Variants in FBXO27 observed in about 807,000 individuals in gnomAD.
FBXO27 encodes the protein F-box only protein 27.
In FBXO27, 28 loss-of-function variants were observed where a neutral mutation model predicts 28.3. The ratio of observed to expected loss-of-function variants is 0.99; its 90% CI spans 0.73 to 1.36. FBXO27 has a LOEUF of 1.36. Ranked by LOEUF, FBXO27 falls within the 40% of genes most tolerant of loss-of-function variation. FBXO27 has a pLI of 0.00. For synonymous variants in FBXO27, 175 were observed against 167.3 expected (o/e 1.05, Z -0.36); for missense variants, 388 against 394.1 (o/e 0.98, Z 0.13).
chr19:39,006,838 G>A (rs1975737474), intron 2 of FBXO27, among the ~76,000 whole-genome samples: 1 of 151,786 alleles, frequency 6.6e-6, no homozygotes, highest in African/African-American at 2.4e-5. Flanking sequence ...CAGTACTTTG[G>A]GAGGGTAAGG....
chr19:39,006,353 T>A (rs990103155), intron 2 of FBXO27, among the ~76,000 whole-genome samples: 2 of 151,718 alleles, frequency 1.3e-5, no homozygotes, highest in African/African-American at 2.4e-5. Flanking sequence ...AGGTTGGGAG[T>A]TCGAGACCAG....
rs544202207 is a variant in FBXO27, at chr19:39,031,033, CAG to C, written c.566_567del (p.Ser189Ter). ...LDSGRIEICV[S>X]DWWGARHDSG... ...TATTTTAATCGTCACACTCACCAGT[CAG>C]AGACACAAATCTCAATCCTGCCACT... On this transcript the variant is annotated frameshift_variant, in exon 4 of 6. Coordinates refer to ENST00000292853, the MANE Select transcript of FBXO27 (RefSeq NM_178820.5). LOFTEE classifies it high-confidence loss of function. 1,159 of 1,613,810 alleles carry C rather than the reference CAG, an allele frequency of 7.2e-4. 6 individuals carry two copies. In the African/African-American group the frequency reaches 0.013, roughly 18 times the overall value.
chr19:39,032,032 G>A lies in FBXO27; in HGVS notation c.196C>T (p.Leu66=). 2 of 1,529,798 alleles carry A rather than the reference G, an allele frequency of 1.3e-6. No individual in the cohort carries two copies. The highest frequency in any genetic ancestry group is 1.7e-6 in the Non-Finnish European group (2 of 1,144,306). 94.8% of individuals were successfully genotyped at this position (1,529,798 alleles called of 1,614,324 possible). A position where few individuals can be genotyped will look rare whatever the true frequency, so the allele number is the denominator to read the frequency against. ...TCGCGGGCCAGGATCAGCAGCCACA[G>A]GGCCTGGCCGTCCACCAGGGCTCGC... ...GWRALVDGQA[L]WLLILARDHG... Residue 66 remains leucine, a synonymous_variant, in exon 2 of 6, where the codon CTG becomes TTG. Coordinates refer to ENST00000292853, the MANE Select transcript of FBXO27 (RefSeq NM_178820.5). This position sits in a 1 kb window ranked among gnomAD's most constrained non-coding sequence, Gnocchi z 4.7.
chr19:39,029,043 A>G (rs2072888142), intron 4 of FBXO27, among the ~76,000 whole-genome samples: 1 of 97,294 alleles, frequency 1.0e-5, no homozygotes, highest in Admixed American at 9.6e-5. Context: ...CTCTGTCTCT[A>G]AAAAAAAAAA....
At chr19:39,006,383 C>A (rs540900865) in intron 2 of FBXO27, among the ~76,000 whole-genome samples, 23 of 152,074 alleles carry the variant, frequency 1.5e-4, no homozygotes, top group African/African-American at 4.6e-4. Context: ...CATGGAGAAA[C>A]CCCGTCTCTA....
At chr19:39,013,872 G>T (rs1208839173) in intron 2 of FBXO27, among the ~76,000 whole-genome samples, 1 of 151,860 alleles carries the variant, frequency 6.6e-6, no homozygotes, top group Non-Finnish European at 1.5e-5. Flanking sequence ...AATTAGCCGG[G>T]TGTGGTGGTG....
intron 1 of FBXO27, among the ~76,000 whole-genome samples, chr19:39,018,496 C>T (rs12985447): frequency 0.48 from 72,907 of 151,826 alleles, 17,688 homozygotes; most frequent in Middle Eastern, 0.58. Flanking sequence ...AGTGCAATAT[C>T]GTAAACCCTG....
downstream of FBXO27, among the ~76,000 whole-genome samples, chr19:39,021,434 G>A (rs2072844718): frequency 6.6e-6 from 1 of 152,116 alleles, no homozygotes; most frequent in African/African-American, 2.4e-5. Context: ...TAACGAGGAT[G>A]AAGACTTTTA....
intron 1 of FBXO27, among the ~76,000 whole-genome samples, chr19:39,017,759 C>T (rs1247325338): frequency 2.6e-5 from 4 of 151,468 alleles, no homozygotes; most frequent in Non-Finnish European, 4.4e-5. Context: ...CAAACCTACT[C>T]AAATGTCTAT....
At position 39,024,828 on chromosome 19, in the gene FBXO27, C is replaced by CTT; in HGVS notation, c.*581_*582dup. 6.8e-6 allele frequency: 1 copy of CTT among 148,126 alleles called. No homozygotes were observed. The highest frequency in any genetic ancestry group is 1.5e-5 in the Non-Finnish European group (1 of 66,768). The allele number at this position is 148,126 out of a possible 1,614,324, so 9.2% of individuals were successfully genotyped here. On this transcript the variant is annotated 3_prime_UTR_variant, in exon 6 of 6. Coordinates refer to ENST00000292853, the MANE Select transcript of FBXO27 (RefSeq NM_178820.5). ...CATGAGCCACTGTGCCTGGCCCAAACTTTTTTTTTTTAACGTAGACTTTCA... is the reference window on the plus strand; with the variant it reads ...CATGAGCCACTGTGCCTGGCCCAAACTTTTTTTTTTTTTAACGTAGACTTTCA...
intron 2 of FBXO27, among the ~76,000 whole-genome samples, chr19:39,008,566 G>A (rs1057446940): frequency 4.6e-5 from 7 of 151,754 alleles, no homozygotes; most frequent in Non-Finnish European, 8.8e-5. Flanking sequence ...AGTGGTTTTC[G>A]GTACATTCAC....
At chr19:39,012,064 A>C (rs1244140909) in intron 2 of FBXO27, among the ~76,000 whole-genome samples, 1 of 149,802 alleles carries the variant, frequency 6.7e-6, no homozygotes, top group Non-Finnish European at 1.5e-5. Context: ...CGATCTCCTG[A>C]CCTCGTGATC....
At chr19:39,023,215 C>A (rs1017919406), downstream of FBXO27, among the ~76,000 whole-genome samples, 1 of 152,138 alleles carries the variant, frequency 6.6e-6, no homozygotes, top group Admixed American at 6.6e-5. Context: ...GGATTACAGG[C>A]GTGAGGCACC....
chr19:39,007,851 CA>C (rs1431144745), intron 2 of FBXO27, among the ~76,000 whole-genome samples: 3 of 152,086 alleles, frequency 2.0e-5, no homozygotes, highest in African/African-American at 7.2e-5. Flanking sequence ...CTATGTTGCC[CA>C]GGTTGCCCAG....
At chr19:39,012,008 T>C (rs191503475) in intron 2 of FBXO27, among the ~76,000 whole-genome samples, 1 of 151,288 alleles carries the variant, frequency 6.6e-6, no homozygotes, top group African/African-American at 2.4e-5. Flanking sequence ...TTTTGTATTT[T>C]TTTTTTGGTA....
At chr19:39,018,552 A>C (rs2072830002) in intron 1 of FBXO27, among the ~76,000 whole-genome samples, 1 of 152,140 alleles carries the variant, frequency 6.6e-6, no homozygotes, top group African/African-American at 2.4e-5. Context: ...TGAAACTGAC[A>C]GTGCTCCCAA....
chr19:39,032,487 G>A lies in FBXO27; in HGVS notation c.-27+16C>T, dbSNP rs2072912489. The A allele has an allele frequency of 2.4e-5, 11 of 451,074 alleles. No individual in the cohort carries two copies. Among genetic ancestry groups the A allele is most frequent in the East Asian group, 4.3e-5 (1 of 23,398 alleles). 27.9% of individuals were successfully genotyped at this position (451,074 alleles called of 1,614,324 possible). A position where few individuals can be genotyped will look rare whatever the true frequency, so the allele number is the denominator to read the frequency against. On this transcript the variant is annotated intron_variant, in intron 1 of 5. Coordinates refer to ENST00000292853, the MANE Select transcript of FBXO27 (RefSeq NM_178820.5). The surrounding 1 kb of genome is among the most constrained non-coding windows in gnomAD (Gnocchi z 4.7). ...CCCCCTCGGCGGCCGCACCGACACC[G>A]CACCCCAAGTCCTACCCCGGGGCCT...
In FBXO27 at chr19:39,029,163, T is replaced by C. The variant is rs1480107988; in HGVS notation, c.572+1866A>G. On this transcript the variant is annotated intron_variant, in intron 4 of 5. Transcript: ENST00000292853. ...TTTGCTGGCCAGGCACAGTGGCTTA[T>C]GCCTGTAATCCCGGCACTTTAATAG... Among the ~76,000 whole-genome samples, 6 of 151,824 alleles carry C rather than the reference T, an allele frequency of 4.0e-5. No individual in the cohort carries two copies. In the South Asian group the frequency reaches 1.2e-3, roughly 32 times the overall value.
At chr19:39,006,578 AAG>A in intron 2 of FBXO27, among the ~76,000 whole-genome samples, 1 of 151,686 alleles carries the variant, frequency 6.6e-6, no homozygotes, top group South Asian at 2.1e-4. Context: ...AAAAAGAAAA[AAG>A]AAAAAAAAGC....
Sources: allele counts gnomAD v4.1 joint callset (sites outside exome capture counted in the v4.1 genomes callset), GRCh38; gene constraint gnomAD v4.1.1; non-coding constraint Gnocchi (gnomAD v3.1); transcripts MANE v1.5; gene names NCBI Gene and HGNC (gene_info 2026-07-23, HGNC 2026-07-21).